Variants in NDE1 observed in about 807,000 individuals in gnomAD.
The protein encoded by NDE1 is nudE neurodevelopment protein 1.
In NDE1, 28 loss-of-function variants were observed where a neutral mutation model predicts 43.4. The ratio of observed to expected loss-of-function variants is 0.65; its 90% CI spans 0.48 to 0.89. The LOEUF (loss-of-function observed/expected upper bound fraction) is 0.89. NDE1 is among the 40% of genes least tolerant of loss of function. The pLI, the probability that NDE1 is intolerant of heterozygous loss-of-function variation, is 0.00. For missense variants in NDE1, 441 were observed against 434.1 expected, an observed-to-expected ratio of 1.02 and a Z score of -0.14; for synonymous variants, 184 against 172.0, an observed-to-expected ratio of 1.07 and a Z score of -0.55.
At chr16:15,664,097 C>T (rs543263515) in intron 1 of NDE1, among the ~76,000 whole-genome samples, 6 of 151,878 alleles carry the variant, frequency 4.0e-5, no homozygotes, top group African/African-American at 9.6e-5. Context: ...TTATTTTATG[C>T]GTAATTTCCA....
intron 8 of NDE1, chr16:15,718,784 A>G (rs2040308716): frequency 1.2e-5 from 5 of 427,114 alleles, no homozygotes; most frequent in South Asian, 1.2e-4. Flanking sequence ...CCTAACCACC[A>G]TGGGTCTGTC....
At chr16:15,660,537 C>T (rs922162647) in intron 1 of NDE1, among the ~76,000 whole-genome samples, 1 of 152,128 alleles carries the variant, frequency 6.6e-6, no homozygotes, top group Non-Finnish European at 1.5e-5. Context: ...GAGCCAAGGC[C>T]CCTACCGCCC....
At position 15,694,183 on chromosome 16, in the gene NDE1, G is replaced by T. The variant is rs1337796016; in HGVS notation, c.722G>T (p.Gly241Val). 8 of 1,612,858 alleles carry T rather than the reference G, an allele frequency of 5.0e-6. No individual in the cohort carries two copies. The highest frequency in any genetic ancestry group is 1.7e-5 in the Admixed American group (1 of 59,992). Residue 241 changes from glycine to valine, a missense_variant, in exon 7 of 9, where the codon GGG (glycine) becomes GTG (valine). Physicochemically the swap from Gly to Val is moderately radical, Grantham distance 109. Transcript: ENST00000396354. The stretch of plus-strand genomic sequence containing the variant: ...CACCCAGGCCTGGACGACTCCACCG[G>T]GGGGACCCCCCTCACACCTGCGGCC... ...SFRRGLDDSTGGTPLTPAARI... is the reference protein window; with the variant it reads ...SFRRGLDDSTVGTPLTPAARI...
chr16:15,686,197 C>T (rs1378895902), intron 4 of NDE1, among the ~76,000 whole-genome samples: 1 of 151,984 alleles, frequency 6.6e-6, no homozygotes, highest in African/African-American at 2.4e-5. Flanking sequence ...AGTGATCCGC[C>T]CGCCTCGGCC....
At chr16:15,673,730 C>T (rs535975741) in intron 3 of NDE1, among the ~76,000 whole-genome samples, 1 of 151,998 alleles carries the variant, frequency 6.6e-6, no homozygotes, top group Non-Finnish European at 1.5e-5. Context: ...TGGAGTCTTC[C>T]TATGTTGCCT....
chr16:15,699,432 G>T (rs367632711), intron 8 of NDE1, among the ~76,000 whole-genome samples: 143 of 152,096 alleles, frequency 9.4e-4, no homozygotes, highest in African/African-American at 3.1e-3. Flanking sequence ...GCTAATTTTT[G>T]TTTGCATTTT....
At chr16:15,712,205 C>G (rs1228976229) in intron 8 of NDE1, among the ~76,000 whole-genome samples, 1 of 152,146 alleles carries the variant, frequency 6.6e-6, no homozygotes, top group Non-Finnish European at 1.5e-5. Flanking sequence ...TGTGAGCTGC[C>G]TATTAGACAT....
rs1253864400 is a variant in NDE1 at position 15,677,792 on chromosome 16, G to T, written c.238-9G>T. 6.2e-7 allele frequency: 1 copy of T among 1,614,060 alleles called. No individual in the cohort carries two copies. Reference sequence around the variant, plus strand: ...AAGTCATTCACTCAGTGTCTGTGTTGTCCTTCAGGAGAAGTTTGAAGTGCA... The same window carrying T: ...AAGTCATTCACTCAGTGTCTGTGTTTTCCTTCAGGAGAAGTTTGAAGTGCA... On this transcript the variant is annotated splice_polypyrimidine_tract_variant and intron_variant, in intron 3 of 8. Coordinates refer to ENST00000396354, the MANE Select transcript of NDE1 (RefSeq NM_017668.3).
chr16:15,688,935 C>T (rs35165145), intron 5 of NDE1, among the ~76,000 whole-genome samples: 87,288 of 151,238 alleles, frequency 0.58, 25,531 homozygotes, highest in Middle Eastern at 0.68. Flanking sequence ...TGACCCCAGG[C>T]GATCTGCCTG....
At chr16:15,689,623 T>C (rs1199231836) in intron 5 of NDE1, among the ~76,000 whole-genome samples, 2 of 152,160 alleles carry the variant, frequency 1.3e-5, no homozygotes, top group African/African-American at 4.8e-5. Flanking sequence ...GATACATACA[T>C]ATGTATAAAG....
chr16:15,682,993 T>C (rs2038260336), intron 4 of NDE1, among the ~76,000 whole-genome samples: 1 of 151,856 alleles, frequency 6.6e-6, no homozygotes. Context: ...CCGTTAGCTC[T>C]CACACCCAGT....
intron 4 of NDE1, among the ~76,000 whole-genome samples, chr16:15,679,596 A>G (rs994228494): frequency 1.3e-5 from 2 of 151,946 alleles, no homozygotes; most frequent in South Asian, 2.1e-4. Flanking sequence ...TTTCTGTTCT[A>G]TTGAGGTTTC....
chr16:15,707,373 G>A (rs917358044), intron 8 of NDE1, among the ~76,000 whole-genome samples: 7 of 152,104 alleles, frequency 4.6e-5, no homozygotes, highest in South Asian at 2.1e-4. Context: ...CCAAGGCCTC[G>A]GGAATCATCT....
At chr16:15,687,255 G>A (rs1461523469) in intron 4 of NDE1, 120 bp from the exon 5 acceptor site, 22 of 1,589,758 alleles carry the variant, frequency 1.4e-5, no homozygotes, top group Non-Finnish European at 1.9e-5. Context: ...TGGCATCTAG[G>A]AAGTTTGGGG....
intron 8 of NDE1, among the ~76,000 whole-genome samples, chr16:15,706,007 C>CAAAAAAAAAAAAAAAAA (rs1555547379): frequency 6.0e-5 from 4 of 66,220 alleles, no homozygotes; most frequent in African/African-American, 3.2e-4. Flanking sequence ...AAAAAAAAAT[C>CAAAAAAAAAAAAAAAAA]AAGGCCCAGA....
chr16:15,643,573 T>C, exon 1 of NDE1: 1 of 313,846 alleles, frequency 3.2e-6, no homozygotes, highest in Non-Finnish European at 6.1e-6. Context: ...CCTTCGGCTT[T>C]TTTTTTTTCC....
chr16:15,652,432 G>A (rs2036548807), intron 1 of NDE1, among the ~76,000 whole-genome samples: 1 of 152,188 alleles, frequency 6.6e-6, no homozygotes, highest in Admixed American at 6.5e-5. Flanking sequence ...GCATTCCTGT[G>A]TACAGAAAGT....
intron 3 of NDE1, among the ~76,000 whole-genome samples, chr16:15,674,783 C>G (rs2037782060): frequency 6.6e-6 from 1 of 152,054 alleles, no homozygotes; most frequent in Non-Finnish European, 1.5e-5. Flanking sequence ...GCAATCACGG[C>G]TCACTGCAGC....
At chr16:15,686,758 G>A (rs1050759554) in intron 4 of NDE1, 1 of 221,024 alleles carries the variant, frequency 4.5e-6, no homozygotes, top group Admixed American at 6.5e-5. Context: ...CTAGGCTGGA[G>A]TGCAGTGGTA....
Sources: allele counts gnomAD v4.1 joint callset (sites outside exome capture counted in the v4.1 genomes callset), GRCh38; gene constraint gnomAD v4.1.1; transcripts MANE v1.5; gene names NCBI Gene and HGNC (gene_info 2026-07-23, HGNC 2026-07-21).